Variants in RPS6KA5 observed in about 807,000 individuals in gnomAD.
The protein encoded by RPS6KA5 is ribosomal protein S6 kinase A5, also known as ribosomal protein S6 kinase alpha-5.
In RPS6KA5, 27 loss-of-function variants were observed where a neutral mutation model predicts 85.5. The observed-to-expected ratio is 0.32, with a 90% CI of 0.23 to 0.44. The LOEUF (loss-of-function observed/expected upper bound fraction) is 0.44, where lower values mean the gene tolerates loss of function less well. Among genes scored for constraint, RPS6KA5 ranks in the 20% least tolerant of loss-of-function variants. The pLI is 1.00. For missense variants in RPS6KA5, 811 were observed against 980.9 expected (o/e 0.83, Z 2.31); for synonymous variants, 334 against 348.2 (o/e 0.96, Z 0.46).
In RPS6KA5 at chr14:90,850,213, T is replaced by C. The variant is rs1391734276; in HGVS notation, c.*21861A>G. On this transcript the variant is annotated 3_prime_UTR_variant, in exon 17 of 17. Transcript: ENST00000614987. ...AGGTCCTGACATTGCTTACCAGCCA[T>C]TGACCTGAAATGAACTGCTTCAACG... 1 of 152,210 alleles carries C rather than the reference T, an allele frequency of 6.6e-6. No homozygotes were observed. Among genetic ancestry groups the C allele is most frequent in the East Asian group, 1.9e-4 (1 of 5,200 alleles). The allele number at this position is 152,210 out of a possible 1,614,324, so 9.4% of individuals were successfully genotyped here. A position where few individuals can be genotyped will look rare whatever the true frequency, so the allele number is the denominator to read the frequency against.
intron 3 of RPS6KA5, among the ~76,000 whole-genome samples, chr14:90,957,726 C>A (rs1384069621): frequency 2.0e-5 from 3 of 152,138 alleles, no homozygotes; most frequent in African/African-American, 7.2e-5. Context: ...CAGGAGGACC[C>A]TTCTTAGTTG....
intron 14 of RPS6KA5, among the ~76,000 whole-genome samples, chr14:90,877,105 T>C (rs761962209): frequency 7.9e-5 from 12 of 152,276 alleles, no homozygotes; most frequent in Non-Finnish European, 1.0e-4. Context: ...AAGAGAAACT[T>C]GACACCTCTG....
intron 1 of RPS6KA5, among the ~76,000 whole-genome samples, chr14:91,048,495 CT>C (rs920846436): frequency 6.6e-6 from 1 of 151,898 alleles, no homozygotes; most frequent in African/African-American, 2.4e-5. Context: ...CTACTGAATA[CT>C]TTTTTAAAAA....
At chr14:91,009,020 G>A (rs1173707313) in intron 1 of RPS6KA5, among the ~76,000 whole-genome samples, 1 of 152,210 alleles carries the variant, frequency 6.6e-6, no homozygotes, top group Non-Finnish European at 1.5e-5. Flanking sequence ...TACCTGTCTT[G>A]GGTGCTGAAA....
chr14:90,887,616 A>G (rs930583533), intron 14 of RPS6KA5, among the ~76,000 whole-genome samples: 7 of 152,132 alleles, frequency 4.6e-5, no homozygotes, highest in Admixed American at 1.3e-4. Flanking sequence ...TACATAGTAT[A>G]TAAATTAGAT....
chr14:91,045,076 A>G (rs1055924645), intron 1 of RPS6KA5, among the ~76,000 whole-genome samples: 2 of 152,138 alleles, frequency 1.3e-5, no homozygotes, highest in African/African-American at 4.8e-5. Flanking sequence ...TAGGTCTCAT[A>G]AGGATTTATA....
intron 1 of RPS6KA5, among the ~76,000 whole-genome samples, chr14:91,007,792 A>G (rs2041090354): frequency 6.6e-6 from 1 of 152,140 alleles, no homozygotes; most frequent in Non-Finnish European, 1.5e-5. Flanking sequence ...TAAGGATAAA[A>G]GGAAAATTGT....
intron 7 of RPS6KA5, among the ~76,000 whole-genome samples, chr14:90,911,953 A>G (rs1021751466): frequency 6.6e-6 from 1 of 152,102 alleles, no homozygotes; most frequent in Non-Finnish European, 1.5e-5. Flanking sequence ...GCAAGGAGGC[A>G]ATGGAGTCCT....
chr14:90,874,446 T>C (rs2033319536), intron 15 of RPS6KA5, among the ~76,000 whole-genome samples: 1 of 152,118 alleles, frequency 6.6e-6, no homozygotes, highest in South Asian at 2.1e-4. Flanking sequence ...TCAGCATATC[T>C]GAGGAATTCA....
intron 3 of RPS6KA5, among the ~76,000 whole-genome samples, chr14:90,962,774 G>C (rs1046113232): frequency 6.6e-5 from 10 of 152,120 alleles, no homozygotes; most frequent in Non-Finnish European, 1.3e-4. Context: ...TTCACTAATT[G>C]TTTACATTTT....
At chr14:90,888,368 C>A (rs951772745) in intron 14 of RPS6KA5, among the ~76,000 whole-genome samples, 82 of 152,218 alleles carry the variant, frequency 5.4e-4, no homozygotes, top group African/African-American at 1.9e-3. Flanking sequence ...AAAGAAATTA[C>A]TAAAAATGAA....
intron 12 of RPS6KA5, among the ~76,000 whole-genome samples, chr14:90,895,373 G>T (rs1028947881): frequency 6.6e-6 from 1 of 152,022 alleles, no homozygotes; most frequent in Non-Finnish European, 1.5e-5. Context: ...GTTTAAAAAG[G>T]TATTGTTTGA....
At chr14:91,010,886 T>A (rs1051977631) in intron 1 of RPS6KA5, among the ~76,000 whole-genome samples, 3 of 152,008 alleles carry the variant, frequency 2.0e-5, no homozygotes, top group Non-Finnish European at 2.9e-5. Flanking sequence ...GACTCAAGAA[T>A]TCAAGAACAG....
rs947335099 is a variant in RPS6KA5, at chr14:90,868,777, T to A, written c.*3297A>T. On this transcript the variant is annotated 3_prime_UTR_variant, in exon 17 of 17. Coordinates refer to ENST00000614987, the MANE Select transcript of RPS6KA5 (RefSeq NM_004755.4). ...AAGTAGTGTATTTGAGAACATAAAC[T>A]GAGATACAAAAGGAATTTCCTTACT... The A allele has an allele frequency of 6.6e-6, 1 of 152,178 alleles. No individual in the cohort carries two copies. The highest frequency in any genetic ancestry group is 1.5e-5 in the Non-Finnish European group (1 of 68,032). 9.4% of individuals were successfully genotyped at this position (152,178 alleles called of 1,614,324 possible).
intron 5 of RPS6KA5, among the ~76,000 whole-genome samples, chr14:90,939,684 T>C (rs1487634693): frequency 6.6e-6 from 1 of 152,160 alleles, no homozygotes; most frequent in East Asian, 1.9e-4. Flanking sequence ...CTCGTGAGAC[T>C]TATTCACTAT....
chr14:90,906,222 A>T lies in RPS6KA5; in HGVS notation c.884T>A (p.Met295Lys). The change falls in exon 8 of 17, where the codon ATG becomes AAG. Residue 295 changes from methionine (M) to lysine (K), a missense_variant. Met to Lys is a moderately conservative substitution (Grantham distance 95, BLOSUM62 -1). This residue lies in a region of RPS6KA5 where 650 missense variants were observed against 793.4 expected (regional missense o/e 0.82). Coordinates refer to ENST00000614987, the MANE Select transcript of RPS6KA5 (RefSeq NM_004755.4). ...LAKDLIQRLL[M>K]KDPKKRLGCG... ...TCCCAATCTCTTCTTGGGATCTTTC[A>T]TCAAAAGACGCTGAATTAGGTCTTT... 1.2e-6 allele frequency: 2 copies of T among 1,613,240 alleles called. No individual in the cohort carries two copies. Among genetic ancestry groups the T allele is most frequent in the Non-Finnish European group, 1.7e-6 (2 of 1,179,370 alleles).
In RPS6KA5 at chr14:90,858,938, G is replaced by A. The variant is rs2032409915; in HGVS notation, c.*13136C>T. The A allele has an allele frequency of 6.6e-6, 1 of 152,200 alleles. No homozygotes were observed. The highest frequency in any genetic ancestry group is 2.1e-4 in the South Asian group (1 of 4,830). 9.4% of individuals were successfully genotyped at this position (152,200 alleles called of 1,614,324 possible). A position where few individuals can be genotyped will look rare whatever the true frequency, so the allele number is the denominator to read the frequency against. ...GAAGTGAGCCTGAAATACTGGTACA[G>A]TATCTCCTTGAGGTGTCTGCCAATT... On this transcript the variant is annotated 3_prime_UTR_variant, in exon 17 of 17. Coordinates refer to ENST00000614987, the MANE Select transcript of RPS6KA5 (RefSeq NM_004755.4).
At chr14:90,991,002 C>T (rs1329756375) in intron 2 of RPS6KA5, among the ~76,000 whole-genome samples, 1 of 152,060 alleles carries the variant, frequency 6.6e-6, no homozygotes, top group African/African-American at 2.4e-5. Flanking sequence ...GGTAACAAAC[C>T]TGAACATGTA....
chr14:91,052,093 C>T (rs1462400315), intron 1 of RPS6KA5, among the ~76,000 whole-genome samples: 1 of 151,704 alleles, frequency 6.6e-6, no homozygotes, highest in African/African-American at 2.4e-5. Context: ...TGACTTATCC[C>T]AGGTCATATA....
Sources: gnomAD v4.1 joint callset for allele counts (sites outside exome capture counted in the v4.1 genomes callset) on GRCh38, gnomAD v4.1.1 for gene constraint, gnomAD v4.1.1 regional missense constraint, MANE v1.5 for transcripts, NCBI Gene and HGNC (gene_info 2026-07-23, HGNC 2026-07-21) for gene names.